GRB14: variants seen among roughly 807,000 people sequenced by gnomAD.
GRB14 encodes growth factor receptor-bound protein 14.
Under a neutral mutation model 69.1 loss-of-function variants are expected in GRB14, and 38 were observed. That is an observed-to-expected ratio of 0.55 (90% CI 0.42 to 0.72). GRB14 has a LOEUF of 0.72. GRB14 is among the 30% of genes least tolerant of loss of function. The probability of loss-of-function intolerance (pLI) is 0.00; values close to 1 mark genes in which losing one functional copy is unlikely to be tolerated. For missense variants in GRB14, 666 were observed against 666.1 expected (o/e 1.00, Z 0.00); for synonymous variants, 247 against 241.3 (o/e 1.02, Z -0.22).
At chr2:164,557,406 C>A (rs752370947) in intron 2 of GRB14, among the ~76,000 whole-genome samples, 1 of 151,758 alleles carries the variant, frequency 6.6e-6, no homozygotes, top group Non-Finnish European at 1.5e-5. Flanking sequence ...AAGTTGGCAA[C>A]GTAGAAATAA....
At chr2:164,513,396 A>G (rs1180101719) in intron 6 of GRB14, among the ~76,000 whole-genome samples, 2 of 152,202 alleles carry the variant, frequency 1.3e-5, no homozygotes, top group Non-Finnish European at 2.9e-5. Flanking sequence ...TAAGTTAAGG[A>G]TCTTGAGATG....
chr2:164,562,649 T>A (rs1013167925), intron 2 of GRB14, among the ~76,000 whole-genome samples: 3 of 152,152 alleles, frequency 2.0e-5, no homozygotes, highest in South Asian at 4.1e-4. Flanking sequence ...AAAAGGGAAA[T>A]TCATATTTGT....
chr2:164,617,951 C>CTT lies in GRB14; in HGVS notation c.324+1734_324+1735dup, dbSNP rs11438490. On this transcript the variant is annotated intron_variant, in intron 2 of 13. Transcript: ENST00000263915. ...CTCTGGCTCAAGGACAAGCCAGAAT[C>CTT]TTTTTTTTGGGGGGGGGGGGGTAGT... is the stretch of plus-strand genomic sequence containing the variant. Among the ~76,000 whole-genome samples the CTT allele has an allele frequency of 6.6e-4, 37 of 56,288 alleles. 1 individual carries two copies. Among genetic ancestry groups the CTT allele is most frequent in the Middle Eastern group, 0.014 (1 of 72 alleles). The allele number at this position is 56,288 out of a possible 152,430, so 36.9% of individuals were successfully genotyped here. A position where few individuals can be genotyped will look rare whatever the true frequency, so the allele number is the denominator to read the frequency against.
At chr2:164,607,842 C>T (rs1019852304) in intron 2 of GRB14, among the ~76,000 whole-genome samples, 2 of 152,212 alleles carry the variant, frequency 1.3e-5, no homozygotes, top group African/African-American at 4.8e-5. Flanking sequence ...ATACCTTGGC[C>T]AAACCAAAAG....
At chr2:164,613,338 A>C (rs1284099305) in intron 2 of GRB14, among the ~76,000 whole-genome samples, 3 of 152,068 alleles carry the variant, frequency 2.0e-5, no homozygotes, top group Non-Finnish European at 4.4e-5. Context: ...ATACCTACTA[A>C]ACCTGTACCT....
intron 2 of GRB14, among the ~76,000 whole-genome samples, chr2:164,595,865 C>T (rs1457899790): frequency 1.3e-5 from 2 of 152,136 alleles, no homozygotes; most frequent in Non-Finnish European, 2.9e-5. Flanking sequence ...GAGGCTCAAG[C>T]CTGTAATCCC....
chr2:164,563,940 A>G (rs1180185513), intron 2 of GRB14, among the ~76,000 whole-genome samples: 4 of 152,238 alleles, frequency 2.6e-5, no homozygotes, highest in Non-Finnish European at 4.4e-5. Flanking sequence ...GTACACACCT[A>G]TGGACGGCAA....
chr2:164,563,697 T>C (rs1688892449), intron 2 of GRB14, among the ~76,000 whole-genome samples: 1 of 152,236 alleles, frequency 6.6e-6, no homozygotes, highest in Non-Finnish European at 1.5e-5. Flanking sequence ...GACTTATCCT[T>C]GTAAAGTGAA....
At position 164,609,316 on chromosome 2, in the gene GRB14, C is replaced by G. The variant is rs188722761; in HGVS notation, c.324+10371G>C. On this transcript the variant is annotated intron_variant, in intron 2 of 13. Transcript: ENST00000263915. ...ACCTGTGCCCTAATTCTGAACAATTCTGTAGGGCCAATCCAGCTCCAGAGC... is the reference window on the plus strand; with the variant it reads ...ACCTGTGCCCTAATTCTGAACAATTGTGTAGGGCCAATCCAGCTCCAGAGC... Among the ~76,000 whole-genome samples, 18 of 152,310 alleles carry G rather than the reference C, an allele frequency of 1.2e-4. No individual in the cohort carries two copies. The East Asian group carries it at 3.1e-3, about 26-fold the overall frequency.
intron 9 of GRB14, among the ~76,000 whole-genome samples, chr2:164,498,708 G>T (rs916330582): frequency 1.3e-5 from 2 of 152,094 alleles, no homozygotes; most frequent in Non-Finnish European, 2.9e-5. Flanking sequence ...GCTATACCTG[G>T]CTTGGTTGCA....
chr2:164,559,270 ATATT>A (rs1185810923), intron 2 of GRB14, among the ~76,000 whole-genome samples: 2 of 151,958 alleles, frequency 1.3e-5, no homozygotes, highest in South Asian at 2.1e-4. Flanking sequence ...ATTTTTCTAA[ATATT>A]TATTTATTTA....
At chr2:164,549,878 TAAAATAAAATA>T (rs1359365177) in intron 2 of GRB14, among the ~76,000 whole-genome samples, 1 of 72,642 alleles carries the variant, frequency 1.4e-5, no homozygotes, top group East Asian at 5.9e-4. Flanking sequence ...TAAAATAAAA[TAAAATAAAATA>T]AAATAAAATA....
intron 5 of GRB14, among the ~76,000 whole-genome samples, chr2:164,523,980 C>T (rs895830923): frequency 6.6e-6 from 1 of 152,014 alleles, no homozygotes; most frequent in Non-Finnish European, 1.5e-5. Context: ...TGCCATTTAC[C>T]TAACATTTTG....
At chr2:164,579,586 C>A (rs1689344200) in intron 2 of GRB14, among the ~76,000 whole-genome samples, 1 of 151,990 alleles carries the variant, frequency 6.6e-6, no homozygotes, top group Non-Finnish European at 1.5e-5. Flanking sequence ...CTGACCTGCA[C>A]ATCTTTGGGA....
At position 164,621,014 on chromosome 2, in the gene GRB14, C is replaced by T. The variant is rs1372049441; in HGVS notation, c.191+105G>A. 3.0e-6 allele frequency: 3 copies of T among 996,592 alleles called. No homozygotes were observed. Among genetic ancestry groups the T allele is most frequent in the African/African-American group, 3.4e-5 (2 of 59,556 alleles). 61.7% of individuals were successfully genotyped at this position (996,592 alleles called of 1,614,324 possible). A position where few individuals can be genotyped will look rare whatever the true frequency, so the allele number is the denominator to read the frequency against. ...GATTGTCTTCAGAGACTTTTACAAA[C>T]TTGGCCCAGCTCTGGGCACATGGCT... On this transcript the variant is annotated intron_variant, in intron 1 of 13. Coordinates refer to ENST00000263915, the MANE Select transcript of GRB14 (RefSeq NM_004490.3). The surrounding 1 kb of genome is among the most constrained non-coding windows in gnomAD (Gnocchi z 6.0).
chr2:164,602,128 A>G (rs1418315352), intron 2 of GRB14, among the ~76,000 whole-genome samples: 25 of 149,108 alleles, frequency 1.7e-4, no homozygotes, highest in Non-Finnish European at 3.0e-5. Context: ...ATGTATTTTT[A>G]AATTTAAAAA....
At chr2:164,595,705 G>A (rs1049627519) in intron 2 of GRB14, among the ~76,000 whole-genome samples, 53 of 152,310 alleles carry the variant, frequency 3.5e-4, no homozygotes, top group African/African-American at 1.2e-3. Context: ...GTTCAGATTT[G>A]AGTTTTTATA....
At chr2:164,506,748 TATAG>T (rs1331120940) in intron 8 of GRB14, among the ~76,000 whole-genome samples, 3 of 152,196 alleles carry the variant, frequency 2.0e-5, no homozygotes, top group Admixed American at 1.3e-4. Flanking sequence ...TTATCCAACA[TATAG>T]ATAGATATAG....
chr2:164,618,265 C>T (rs1377559034), intron 2 of GRB14, among the ~76,000 whole-genome samples: 1 of 150,370 alleles, frequency 6.7e-6, no homozygotes, highest in Non-Finnish European at 1.5e-5. Flanking sequence ...TGAGCCACCG[C>T]ACCCGGCCTC....
Sources: allele counts gnomAD v4.1 joint callset (sites outside exome capture counted in the v4.1 genomes callset), GRCh38; gene constraint gnomAD v4.1.1; non-coding constraint Gnocchi (gnomAD v3.1); transcripts MANE v1.5; gene names NCBI Gene and HGNC (gene_info 2026-07-23, HGNC 2026-07-21).